Variants in VWA8 observed in about 807,000 individuals in gnomAD.
The protein encoded by VWA8 is von Willebrand factor A domain-containing protein 8.
In VWA8, 221 loss-of-function variants were observed where a neutral mutation model predicts 241.5. The observed-to-expected ratio is 0.91, with a 90% CI of 0.82 to 1.02. The LOEUF (loss-of-function observed/expected upper bound fraction) is 1.02. VWA8 is among the 50% of genes least tolerant of loss of function. VWA8 has a pLI of 0.00. For synonymous variants in VWA8, 852 were observed against 827.1 expected, an observed-to-expected ratio of 1.03 and a Z score of -0.52; for missense variants, 2,322 against 2,328.7, an observed-to-expected ratio of 1.00 and a Z score of 0.06.
intron 16 of VWA8, among the ~76,000 whole-genome samples, chr13:41,813,865 C>T (rs1240197521): frequency 6.6e-6 from 1 of 151,984 alleles, no homozygotes; most frequent in Non-Finnish European, 1.5e-5. Context: ...AAATTTCTAA[C>T]TGCAGTTTTA....
At chr13:41,612,651 C>T (rs2044597229) in intron 38 of VWA8, among the ~76,000 whole-genome samples, 1 of 152,160 alleles carries the variant, frequency 6.6e-6, no homozygotes, top group Admixed American at 6.5e-5. Context: ...AAGATTGTTA[C>T]CCCTATTTAG....
chr13:41,866,465 T>C (rs1412884211), intron 10 of VWA8, among the ~76,000 whole-genome samples: 1 of 151,936 alleles, frequency 6.6e-6, no homozygotes, highest in Non-Finnish European at 1.5e-5. Flanking sequence ...TAACTTAAAG[T>C]ATATAACTGC....
At chr13:41,902,088 A>T (rs535872721) in intron 4 of VWA8, among the ~76,000 whole-genome samples, 1 of 151,626 alleles carries the variant, frequency 6.6e-6, no homozygotes, top group South Asian at 2.1e-4. Context: ...TTAAATAATG[A>T]TGTGGTTATT....
At chr13:41,808,358 T>C (rs746129885) in intron 17 of VWA8, among the ~76,000 whole-genome samples, 3 of 152,172 alleles carry the variant, frequency 2.0e-5, no homozygotes, top group Non-Finnish European at 2.9e-5. Flanking sequence ...CACATGACGC[T>C]GGCATTTTCT....
Position 41,838,023 on chromosome 13 carries a change from G to A in VWA8, c.1426-4492C>T, listed in dbSNP as rs144298889. Among the ~76,000 whole-genome samples the A allele has an allele frequency of 8.2e-3, 1,242 of 152,140 alleles. 14 individuals are homozygous for A. The highest frequency in any genetic ancestry group is 0.029 in the African/African-American group (1,187 of 41,502). ...TGGAAAACATCCATGTATCTCTTAC[G>A]ATTCCATGTCAATTGGAATTATGTT... is the stretch of plus-strand genomic sequence containing the variant. On this transcript the variant is annotated intron_variant, in intron 12 of 44. Transcript: ENST00000379310.
At chr13:41,712,450 T>G (rs1401236375) in intron 26 of VWA8, among the ~76,000 whole-genome samples, 2 of 152,220 alleles carry the variant, frequency 1.3e-5, no homozygotes, top group African/African-American at 4.8e-5. Flanking sequence ...TATTAATTCC[T>G]GGAATCAATG....
intron 1 of VWA8, among the ~76,000 whole-genome samples, chr13:41,959,606 C>CTTTTTTTTCTTT (rs1878513916): frequency 1.3e-5 from 1 of 79,648 alleles, no homozygotes; most frequent in South Asian, 5.9e-4. Context: ...CCTAAATATG[C>CTTTTTTTTCTTT]TTTTTTTTTT....
intron 20 of VWA8, among the ~76,000 whole-genome samples, chr13:41,774,263 C>T (rs180986651): frequency 2.0e-5 from 3 of 152,258 alleles, no homozygotes; most frequent in Admixed American, 6.5e-5. Flanking sequence ...TCTCAGCCTC[C>T]GAAGTAGATG....
intron 4 of VWA8, among the ~76,000 whole-genome samples, chr13:41,899,985 G>C (rs2324823): frequency 2.6e-5 from 4 of 152,064 alleles, no homozygotes; most frequent in African/African-American, 9.7e-5. Flanking sequence ...TTAGCTCTAC[G>C]AAGGATGAGA....
At chr13:41,833,681 C>T (rs1424387701) in intron 12 of VWA8, 150 bp from the exon 13 acceptor site, 18 of 1,012,776 alleles carry the variant, frequency 1.8e-5, no homozygotes, top group South Asian at 3.7e-5. Flanking sequence ...ATTCCTAAAA[C>T]GAAAGCTCTT....
Position 41,816,754 on chromosome 13 carries a change from C to A in VWA8, c.1891G>T (p.Ala631Ser). The change falls in exon 16 of 45, where the codon GCT becomes TCT. Residue 631 changes from alanine (A) to serine (S), a missense_variant. Transcript: ENST00000379310. ...KEKVPNVPQEALDKLLSFTHK... is the reference protein window; with the variant it reads ...KEKVPNVPQESLDKLLSFTHK... Reference sequence around the variant, plus strand: ...GTAAATGATAATAACTTATCCAGAGCTTCCTGAGGTACATTTGGGACCTAT... The same window carrying A: ...GTAAATGATAATAACTTATCCAGAGATTCCTGAGGTACATTTGGGACCTAT... 1 of 1,613,498 alleles carries A rather than the reference C, an allele frequency of 6.2e-7. No homozygotes were observed. Among genetic ancestry groups the A allele is most frequent in the East Asian group, 2.2e-5 (1 of 44,802 alleles).
chr13:41,886,422 G>A (rs573767701), intron 7 of VWA8, among the ~76,000 whole-genome samples: 2 of 151,878 alleles, frequency 1.3e-5, no homozygotes, highest in South Asian at 2.1e-4. Context: ...TGTTGTGTTC[G>A]AATTTCTTGA....
Position 41,727,229 on chromosome 13 carries a change from A to T in VWA8, c.2723T>A (p.Phe908Tyr), listed in dbSNP as rs1234525772. The T allele has an allele frequency of 1.3e-6, 2 of 1,549,484 alleles. No homozygotes were observed. The highest frequency in any genetic ancestry group is 4.9e-5 in the East Asian group (2 of 40,782). ...GAAGAAATCATTGCCTAGGAAAGGA[A>T]ATCCAGGTCTATTTGCCAGAACAAT... ...RMIVLANRPG[F>Y]PFLGNDFFGT... Residue 908 changes from phenylalanine (F) to tyrosine (Y), a missense_variant, in exon 24 of 45, where the codon TTT (phenylalanine) becomes TAT (tyrosine). Physicochemically the swap from Phe to Tyr is conservative, Grantham distance 22 (BLOSUM62 3). Transcript: ENST00000379310.
At chr13:41,813,959 G>A (rs570267268) in intron 16 of VWA8, among the ~76,000 whole-genome samples, 22 of 151,978 alleles carry the variant, frequency 1.4e-4, no homozygotes, top group Non-Finnish European at 2.6e-4. Context: ...AGTACACCTC[G>A]AAGGGGTTGT....
intron 35 of VWA8, among the ~76,000 whole-genome samples, chr13:41,680,297 T>C (rs1319920731): frequency 6.6e-6 from 1 of 152,168 alleles, no homozygotes; most frequent in East Asian, 1.9e-4. Context: ...GGTTTATCAA[T>C]TTCAATTTCT....
chr13:41,660,030 A>T (rs2044938115), intron 37 of VWA8, among the ~76,000 whole-genome samples: 1 of 152,194 alleles, frequency 6.6e-6, no homozygotes, highest in Admixed American at 6.5e-5. Context: ...AATGATATTG[A>T]TATAGGAAAA....
intron 41 of VWA8, among the ~76,000 whole-genome samples, chr13:41,589,533 C>T (rs996521363): frequency 6.6e-6 from 1 of 152,174 alleles, no homozygotes; most frequent in Admixed American, 6.5e-5. Flanking sequence ...AAATATGGTG[C>T]TTGGACATGC....
intron 40 of VWA8, among the ~76,000 whole-genome samples, chr13:41,596,140 A>G (rs187134650): frequency 2.2e-4 from 34 of 152,190 alleles, no homozygotes; most frequent in African/African-American, 7.9e-4. Context: ...TGTTCTTGAG[A>G]ACTAAACATA....
At chr13:41,749,015 A>T (rs991294123) in intron 21 of VWA8, among the ~76,000 whole-genome samples, 1 of 152,218 alleles carries the variant, frequency 6.6e-6, no homozygotes, top group African/African-American at 2.4e-5. Context: ...AATGGGATCT[A>T]ATTAAACTAA....
Sources: allele counts gnomAD v4.1 joint callset (sites outside exome capture counted in the v4.1 genomes callset), GRCh38; gene constraint gnomAD v4.1.1; transcripts MANE v1.5; gene names NCBI Gene and HGNC (gene_info 2026-07-23, HGNC 2026-07-21).